OTUD4: variants seen among roughly 807,000 people sequenced by gnomAD.
The protein encoded by OTUD4 is OTU deubiquitinase 4, also known as OTU domain-containing protein 4.
OTUD4 carries 24 observed loss-of-function variants against 130.4 expected under a neutral mutation model. That is an observed-to-expected ratio of 0.18 (90% CI 0.13 to 0.26). The LOEUF is 0.26. Ranked by LOEUF, OTUD4 falls within the 10% of genes least tolerant of loss-of-function variation. The pLI, the probability that OTUD4 is intolerant of heterozygous loss-of-function variation, is 1.00. For missense variants in OTUD4, 1,031 were observed against 1,329.4 expected (o/e 0.78, Z 3.49); for synonymous variants, 420 against 472.5 (o/e 0.89, Z 1.44).
intron 4 of OTUD4, among the ~76,000 whole-genome samples, chr4:145,164,873 T>G (rs207465153): frequency 9.2e-5 from 14 of 152,178 alleles, no homozygotes; most frequent in African/African-American, 3.1e-4. Flanking sequence ...CCTGAGAAAG[T>G]AGAAAATCAT....
At chr4:145,154,302 T>C (rs534626597) in intron 10 of OTUD4, among the ~76,000 whole-genome samples, 38 of 152,346 alleles carry the variant, frequency 2.5e-4, no homozygotes, top group African/African-American at 8.7e-4. Context: ...CCTGAATGAA[T>C]CATGTTCTCT....
In OTUD4 at chr4:145,179,904, G is replaced by A. The variant is rs1194538890; in HGVS notation, c.70C>T (p.Pro24Ser). ...GGAGPREDAT[P>S]MDAYLRKLGL... is the part of the protein sequence containing the mutation. ...AGTTTCCGCAGATAGGCGTCCATGG[G>A]CGTCGCGTCCTCGCGGGGCCCCGCG... The change falls in exon 1 of 21, where the codon CCC (proline) becomes TCC (serine). Residue 24 changes from proline to serine, a missense_variant. This residue lies in a region of OTUD4 where 54 missense variants were observed against 60.6 expected (regional missense o/e 0.89). Transcript: ENST00000447906. 11 of 1,528,970 alleles carry A rather than the reference G, an allele frequency of 7.2e-6. No homozygotes were observed. Among genetic ancestry groups the A allele is most frequent in the Non-Finnish European group, 9.6e-6 (11 of 1,144,332 alleles). The allele number at this position is 1,528,970 out of a possible 1,614,324, so 94.7% of individuals were successfully genotyped here. A position where few individuals can be genotyped will look rare whatever the true frequency, so the allele number is the denominator to read the frequency against.
chr4:145,149,876 A>AT (rs1750988001), intron 13 of OTUD4, among the ~76,000 whole-genome samples: 1 of 152,262 alleles, frequency 6.6e-6, no homozygotes, highest in Non-Finnish European at 1.5e-5. Flanking sequence ...CAGTTTCAAC[A>AT]TAAGACACAG....
chr4:145,155,546 G>A (rs1751244254), intron 9 of OTUD4, 23 bp downstream of exon 9: 8 of 1,598,684 alleles, frequency 5.0e-6, no homozygotes, highest in Admixed American at 1.7e-5. Flanking sequence ...CAAATTTATG[G>A]AAAATGCAGA....
At chr4:145,138,933 T>C (rs1035714408) in intron 20 of OTUD4, among the ~76,000 whole-genome samples, 6 of 152,214 alleles carry the variant, frequency 3.9e-5, no homozygotes, top group Non-Finnish European at 7.3e-5. Context: ...TAGCCAGACC[T>C]GCATTCACAT....
chr4:145,142,611 T>G (rs551602398), intron 17 of OTUD4, among the ~76,000 whole-genome samples: 1 of 152,234 alleles, frequency 6.6e-6, no homozygotes, highest in Non-Finnish European at 1.5e-5. Context: ...GTCTCAAAAC[T>G]CTTGGGCTCA....
chr4:145,171,547 A>C, intron 3 of OTUD4, 123 bp downstream of exon 3: 1 of 574,756 alleles, frequency 1.7e-6, no homozygotes, highest in Non-Finnish European at 3.1e-6. Flanking sequence ...TTTATAAGGA[A>C]ATAGGATACA....
At position 145,136,807 on chromosome 4, in the gene OTUD4, C is replaced by T. The variant is rs1423707931; in HGVS notation, c.*623G>A. Reference sequence around the variant, plus strand: ...AACTATATACAACATTGCTAAGACACAGTTAATAGGCTGCCTTATGTGAAT... The same window carrying T: ...AACTATATACAACATTGCTAAGACATAGTTAATAGGCTGCCTTATGTGAAT... On this transcript the variant is annotated 3_prime_UTR_variant, in exon 21 of 21. Transcript: ENST00000447906. 2 of 152,506 alleles carry T rather than the reference C, an allele frequency of 1.3e-5. No individual in the cohort carries two copies. The highest frequency in any genetic ancestry group is 2.4e-5 in the African/African-American group (1 of 41,402). 9.4% of individuals were successfully genotyped at this position (152,506 alleles called of 1,614,324 possible). A position where few individuals can be genotyped will look rare whatever the true frequency, so the allele number is the denominator to read the frequency against.
chr4:145,144,738 C>A (rs36226329), intron 14 of OTUD4, among the ~76,000 whole-genome samples: 16 of 152,140 alleles, frequency 1.1e-4, no homozygotes, highest in African/African-American at 3.9e-4. Context: ...TACAATTTTT[C>A]TTTCAAAAAA....
In OTUD4 at chr4:145,164,137, CTT is replaced by C. The variant is rs762583903; in HGVS notation, c.414+15_414+16del. 15 of 1,229,516 alleles carry C rather than the reference CTT, an allele frequency of 1.2e-5. No homozygotes were observed. The highest frequency in any genetic ancestry group is 1.6e-5 in the Non-Finnish European group (14 of 858,204). 76.2% of individuals were successfully genotyped at this position (1,229,516 alleles called of 1,614,324 possible). ...TCTTTTACTTAAATACTTTAGAACA[CTT>C]TGAAAAATTCTTACCTTTTCAGGAA... is the stretch of plus-strand genomic sequence containing the variant. On this transcript the variant is annotated intron_variant, in intron 5 of 20. Coordinates refer to ENST00000447906, the MANE Select transcript of OTUD4 (RefSeq NM_001366057.1).
chr4:145,155,355 T>C (rs1751235087), intron 10 of OTUD4, 56 bp downstream of exon 10: 7 of 1,415,752 alleles, frequency 4.9e-6, no homozygotes, highest in South Asian at 1.2e-5. Context: ...TCTGTTTGTA[T>C]TAGAAAAAGC....
At chr4:145,168,839 T>C (rs1291847386) in intron 3 of OTUD4, among the ~76,000 whole-genome samples, 1 of 152,200 alleles carries the variant, frequency 6.6e-6, no homozygotes, top group Non-Finnish European at 1.5e-5. Context: ...TACACAAAGA[T>C]TTATAAGCAA....
In OTUD4 at chr4:145,171,713, T is replaced by C; in HGVS notation, c.251A>G (p.Glu84Gly). 7.5e-7 allele frequency: 1 copy of C among 1,339,766 alleles called. No homozygotes were observed. The highest frequency in any genetic ancestry group is 1.1e-6 in the Non-Finnish European group (1 of 931,812). The allele number at this position is 1,339,766 out of a possible 1,614,324, so 83.0% of individuals were successfully genotyped here. ...ENREKFEAFI[E>G]GSFEEYLKRL... ...CTTTAAATATTCTTCAAATGATCCT[T>C]CTATAAACTGCAAAAAATAAATCTA... Residue 84 changes from glutamate to glycine, a missense_variant, in exon 3 of 21, where the codon GAA (glutamate) becomes GGA (glycine). By Grantham distance (98) the Glu-to-Gly change is moderately conservative. Around this residue, in one of 3 missense-constraint regions of OTUD4, gnomAD observed 77 missense variants for 172.9 expected, o/e 0.45. Transcript: ENST00000447906.
chr4:145,146,042 T>TTA (rs774864364), intron 14 of OTUD4: 4 of 327,394 alleles, frequency 1.2e-5, no homozygotes, highest in African/African-American at 2.1e-5. Context: ...ACAAACCAGT[T>TTA]TACTTGCCTC....
intron 2 of OTUD4, among the ~76,000 whole-genome samples, chr4:145,172,975 G>C (rs984582933): frequency 2.0e-5 from 3 of 152,156 alleles, no homozygotes; most frequent in African/African-American, 7.2e-5. Context: ...CAGTAACAAG[G>C]CATAATACTT....
intron 7 of OTUD4, among the ~76,000 whole-genome samples, chr4:145,156,980 T>C (rs1751325390): frequency 6.6e-6 from 1 of 152,088 alleles, no homozygotes; most frequent in African/African-American, 2.4e-5. Context: ...TATAAACAGA[T>C]TCACAGGGCC....
chr4:145,170,011 AG>A (rs545091993), intron 3 of OTUD4, among the ~76,000 whole-genome samples: 218 of 152,320 alleles, frequency 1.4e-3, no homozygotes, highest in Non-Finnish European at 2.5e-3. Context: ...TAAAGCAGAG[AG>A]GGGTACAGGG....
chr4:145,152,662 G>GA lies in OTUD4; in HGVS notation c.874-28dup, dbSNP rs771132103. 3.7e-3 allele frequency: 4,474 copies of GA among 1,214,478 alleles called. 3 individuals carry two copies. The highest frequency in any genetic ancestry group is 0.015 in the South Asian group (1,041 of 70,492). 75.2% of individuals were successfully genotyped at this position (1,214,478 alleles called of 1,614,324 possible). The stretch of plus-strand genomic sequence containing the variant: ...TGTTAAAAATTCCAAAAATGAAAAG[G>GA]AAAAAAAAAATCAGTCACCTGCTTC... On this transcript the variant is annotated intron_variant, in intron 10 of 20. Coordinates refer to ENST00000447906, the MANE Select transcript of OTUD4 (RefSeq NM_001366057.1).
chr4:145,143,435 T>C lies in OTUD4; in HGVS notation c.1613A>G (p.Asp538Gly). 1 of 1,603,772 alleles carries C rather than the reference T, an allele frequency of 6.2e-7. No individual in the cohort carries two copies. Among genetic ancestry groups the C allele is most frequent in the Non-Finnish European group, 8.5e-7 (1 of 1,172,044 alleles). ...TGATGAAACTGTTGCATATTTATCA[T>C]CAGTAATATTCTTTGGAAGCAAAAA... ...PEPSTLENIT[D>G]DKYATVSSPS... Residue 538 changes from aspartate (D) to glycine (G), a missense_variant, in exon 17 of 21, where the codon GAT (aspartate) becomes GGT (glycine). By Grantham distance (94) the Asp-to-Gly change is moderately conservative (BLOSUM62 -1). Coordinates refer to ENST00000447906, the MANE Select transcript of OTUD4 (RefSeq NM_001366057.1).
Sources: gnomAD v4.1 joint callset for allele counts (sites outside exome capture counted in the v4.1 genomes callset) on GRCh38, gnomAD v4.1.1 for gene constraint, gnomAD v4.1.1 regional missense constraint, MANE v1.5 for transcripts, NCBI Gene and HGNC (gene_info 2026-07-23, HGNC 2026-07-21) for gene names.